The following FER variants were observed in gnomAD, a reference collection of about 807,000 sequenced individuals.
The protein encoded by FER is FER tyrosine kinase.
A neutral mutation model predicts 111.0 loss-of-function variants in FER; 63 were observed. The observed-to-expected ratio is 0.57, with a 90% CI of 0.46 to 0.70. The LOEUF (loss-of-function observed/expected upper bound fraction) is 0.70, where lower values mean the gene tolerates loss of function less well. Ranked by LOEUF, FER falls within the 30% of genes least tolerant of loss-of-function variation. The pLI is 0.00. For missense variants in FER, 914 were observed against 954.0 expected, an observed-to-expected ratio of 0.96 and a Z score of 0.55; for synonymous variants, 327 against 313.9, an observed-to-expected ratio of 1.04 and a Z score of -0.44.
At chr5:109,036,121 G>A (rs1770359663) in intron 13 of FER, among the ~76,000 whole-genome samples, 1 of 152,066 alleles carries the variant, frequency 6.6e-6, no homozygotes, top group African/African-American at 2.4e-5. Context: ...CATTTTTTAA[G>A]TGATGCTTTT....
intron 10 of FER, among the ~76,000 whole-genome samples, chr5:108,915,791 G>A (rs1752194130): frequency 6.6e-6 from 1 of 151,998 alleles, no homozygotes; most frequent in Non-Finnish European, 1.5e-5. Flanking sequence ...GAAAGGTGAG[G>A]AAGATGAAAG....
intron 13 of FER, among the ~76,000 whole-genome samples, chr5:109,005,521 A>G (rs1024478287): frequency 1.3e-5 from 2 of 152,198 alleles, no homozygotes; most frequent in Non-Finnish European, 2.9e-5. Flanking sequence ...GAAGATTCCA[A>G]CGTTTGTGCA....
chr5:108,887,312 C>A (rs1014474305), intron 9 of FER, among the ~76,000 whole-genome samples: 10 of 151,496 alleles, frequency 6.6e-5, no homozygotes, highest in African/African-American at 2.4e-4. Context: ...ATATCCATGT[C>A]TCTAAAATAT....
At chr5:109,019,917 A>G (rs1767705841) in intron 13 of FER, among the ~76,000 whole-genome samples, 1 of 151,978 alleles carries the variant, frequency 6.6e-6, no homozygotes. Context: ...ATCACCTTGT[A>G]GAAAAAAATT....
chr5:109,130,712 A>AT (rs1752265010), intron 17 of FER, among the ~76,000 whole-genome samples: 2 of 151,528 alleles, frequency 1.3e-5, no homozygotes, highest in Non-Finnish European at 2.9e-5. Context: ...TCTGGTGTGT[A>AT]TTTTTTACTT....
intron 10 of FER, among the ~76,000 whole-genome samples, chr5:108,906,658 G>A (rs1210700749): frequency 1.3e-5 from 2 of 151,724 alleles, no homozygotes; most frequent in Non-Finnish European, 2.9e-5. Flanking sequence ...ATAAAAAATA[G>A]TACATAATCC....
intron 10 of FER, among the ~76,000 whole-genome samples, chr5:108,940,893 A>G (rs893152271): frequency 5.3e-5 from 8 of 152,178 alleles, no homozygotes; most frequent in African/African-American, 1.9e-4. Flanking sequence ...AGAATATAAG[A>G]GCCCCTTCCC....
chr5:108,949,379 T>C lies in FER; in HGVS notation c.1329+3157T>C, dbSNP rs1200525116. Among the ~76,000 whole-genome samples, 4 of 151,938 alleles carry C rather than the reference T, an allele frequency of 2.6e-5. No homozygotes were observed. In the East Asian group the frequency reaches 7.7e-4, roughly 29 times the overall value. On this transcript the variant is annotated intron_variant, in intron 11 of 19. Coordinates refer to ENST00000281092, the MANE Select transcript of FER (RefSeq NM_005246.4). ...ATTCTTAAGGTCTTAAGTTGCGCTT[T>C]CCCCCCATTTATTAATATGTAAAAG... is the stretch of plus-strand genomic sequence containing the variant.
intron 17 of FER, among the ~76,000 whole-genome samples, chr5:109,154,168 T>G (rs1295270794): frequency 6.6e-6 from 1 of 151,846 alleles, no homozygotes; most frequent in African/African-American, 2.4e-5. Flanking sequence ...AGAAAACAAG[T>G]GTAACAGATG....
At chr5:109,100,231 C>G (rs1324484515) in intron 16 of FER, among the ~76,000 whole-genome samples, 165 bp from the exon 17 acceptor site, 1 of 151,692 alleles carries the variant, frequency 6.6e-6, no homozygotes, top group Admixed American at 6.6e-5. Context: ...ATGTTGTGTT[C>G]TTTTCATGTT....
intron 6 of FER, among the ~76,000 whole-genome samples, chr5:108,868,718 A>C (rs1432864108): frequency 6.6e-6 from 1 of 152,112 alleles, no homozygotes; most frequent in East Asian, 1.9e-4. Context: ...GTAAATGGTT[A>C]TCTCTCAGGT....
chr5:108,762,631 A>G (rs1239473050), intron 1 of FER, among the ~76,000 whole-genome samples: 9 of 152,152 alleles, frequency 5.9e-5, no homozygotes, highest in Admixed American at 1.3e-4. Context: ...TTCATGCAGG[A>G]TCTTTCTCTG....
chr5:109,088,981 G>T (rs1036624761), intron 16 of FER, among the ~76,000 whole-genome samples: 4 of 152,258 alleles, frequency 2.6e-5, no homozygotes, highest in African/African-American at 7.2e-5. Context: ...GAGAGATTCT[G>T]CAATAGGCTA....
chr5:109,067,055 T>C (rs550437665), intron 16 of FER, among the ~76,000 whole-genome samples: 25 of 152,050 alleles, frequency 1.6e-4, no homozygotes, highest in Admixed American at 3.3e-4. Flanking sequence ...CAAAAACCTG[T>C]GGTGGGAGAA....
intron 3 of FER, among the ~76,000 whole-genome samples, chr5:108,802,222 A>AT (rs1200164026): frequency 2.0e-5 from 3 of 151,754 alleles, no homozygotes; most frequent in African/African-American, 7.2e-5. Context: ...CTTACCAATC[A>AT]TTTTTTTTAA....
intron 10 of FER, 139 bp from the exon 11 acceptor site, chr5:108,945,991 T>C (rs1313191101): frequency 1.8e-6 from 1 of 563,562 alleles, no homozygotes; most frequent in African/African-American, 1.9e-5. Flanking sequence ...TTATTTGTTA[T>C]CTTGAATGTC....
intron 16 of FER, among the ~76,000 whole-genome samples, chr5:109,076,634 C>T (rs576325199): frequency 3.9e-5 from 6 of 152,092 alleles, no homozygotes; most frequent in Non-Finnish European, 7.4e-5. Context: ...GATGGGATTT[C>T]GCTTTGTTGC....
intron 13 of FER, among the ~76,000 whole-genome samples, chr5:109,024,733 G>A (rs948127363): frequency 1.8e-4 from 27 of 152,108 alleles, no homozygotes; most frequent in African/African-American, 6.3e-4. Context: ...CTTTCATTTT[G>A]ATGAGCCCCT....
intron 13 of FER, among the ~76,000 whole-genome samples, chr5:109,028,538 G>A (rs1769111518): frequency 6.6e-6 from 1 of 152,268 alleles, no homozygotes; most frequent in Admixed American, 6.5e-5. Flanking sequence ...TTCAGAGTCA[G>A]ACATATATGG....
Sources: allele counts gnomAD v4.1 joint callset (sites outside exome capture counted in the v4.1 genomes callset), GRCh38; gene constraint gnomAD v4.1.1; transcripts MANE v1.5; gene names NCBI Gene and HGNC (gene_info 2026-07-23, HGNC 2026-07-21).